Variants in EYS observed in about 807,000 individuals in gnomAD.
EYS encodes the protein EGF-like photoreceptor maintenance factor, also known as protein eyes shut homolog.
Under a neutral mutation model 282.1 loss-of-function variants are expected in EYS, and 250 were observed. The ratio of observed to expected loss-of-function variants is 0.89; its 90% CI spans 0.80 to 0.98. The LOEUF (loss-of-function observed/expected upper bound fraction) is 0.98, where lower values mean the gene tolerates loss of function less well. Ranked by LOEUF, EYS falls within the 50% of genes least tolerant of loss-of-function variation. The pLI is 0.00. For missense variants in EYS, 4,016 were observed against 3,709.0 expected, an observed-to-expected ratio of 1.08 and a Z score of -2.15; for synonymous variants, 1,355 against 1,282.9, an observed-to-expected ratio of 1.06 and a Z score of -1.20.
chr6:65,233,912 C>T (rs1766854239), intron 12 of EYS, among the ~76,000 whole-genome samples: 2 of 152,088 alleles, frequency 1.3e-5, no homozygotes, highest in Admixed American at 1.3e-4. Flanking sequence ...CAGATTGCTC[C>T]TGAGTGAGGG....
intron 35 of EYS, among the ~76,000 whole-genome samples, chr6:63,920,978 C>T (rs914834255): frequency 6.6e-6 from 1 of 151,926 alleles, no homozygotes; most frequent in South Asian, 2.1e-4. Context: ...CTGCAAGTTC[C>T]GCCTCCCGGG....
chr6:65,395,516 TATC>T (rs1370145075), intron 7 of EYS, among the ~76,000 whole-genome samples: 3 of 152,220 alleles, frequency 2.0e-5, no homozygotes, highest in African/African-American at 7.2e-5. Context: ...CTTGCACAGT[TATC>T]ATTTGTATAT....
chr6:64,958,643 G>A (rs1439894602), intron 14 of EYS, among the ~76,000 whole-genome samples: 1 of 146,746 alleles, frequency 6.8e-6, no homozygotes, highest in Non-Finnish European at 1.5e-5. Flanking sequence ...GCTGAGGCAG[G>A]AGGATGGTGT....
At chr6:64,693,934 T>A (rs1449488844) in intron 22 of EYS, among the ~76,000 whole-genome samples, 1 of 152,120 alleles carries the variant, frequency 6.6e-6, no homozygotes, top group Non-Finnish European at 1.5e-5. Flanking sequence ...AGTGATGAAA[T>A]GATTAAAAGG....
intron 30 of EYS, among the ~76,000 whole-genome samples, chr6:64,231,498 T>C (rs1422303557): frequency 2.0e-5 from 3 of 152,126 alleles, no homozygotes; most frequent in African/African-American, 7.2e-5. Flanking sequence ...CCAAATAAGA[T>C]TGCTATTCCT....
chr6:65,291,611 C>T (rs1452397323), intron 12 of EYS, among the ~76,000 whole-genome samples: 3 of 151,472 alleles, frequency 2.0e-5, no homozygotes, highest in Non-Finnish European at 3.0e-5. Flanking sequence ...CTTTCCATGA[C>T]ATGAATGGGT....
chr6:63,875,537 G>A (rs868757655), intron 35 of EYS, among the ~76,000 whole-genome samples: 6 of 152,234 alleles, frequency 3.9e-5, no homozygotes, highest in African/African-American at 9.6e-5. Flanking sequence ...AGTAATTTCC[G>A]AAGGAATGGT....
At chr6:65,162,911 T>TTGTGTGTGTGTGTGTGTGTGTGTGTG (rs3036015) in intron 12 of EYS, among the ~76,000 whole-genome samples, 2 of 147,288 alleles carry the variant, frequency 1.4e-5, no homozygotes, top group Non-Finnish European at 3.0e-5. Flanking sequence ...CCTGTTCTGT[T>TTGTGTGTGTGTGTGTGTGTGTGTGTG]TGTGTGTGTG....
chr6:65,227,980 T>C (rs141654534), intron 12 of EYS, among the ~76,000 whole-genome samples: 1 of 152,136 alleles, frequency 6.6e-6, no homozygotes, highest in African/African-American at 2.4e-5. Flanking sequence ...TAAAAAGTTC[T>C]AGTAAGGAAT....
intron 13 of EYS, among the ~76,000 whole-genome samples, chr6:65,033,633 A>T (rs1177319611): frequency 6.6e-6 from 1 of 152,168 alleles, no homozygotes; most frequent in Non-Finnish European, 1.5e-5. Flanking sequence ...CACAGAATAC[A>T]AGAGTGAAGA....
At chr6:64,671,157 G>T (rs1005840181) in intron 22 of EYS, among the ~76,000 whole-genome samples, 5 of 152,154 alleles carry the variant, frequency 3.3e-5, no homozygotes, top group Admixed American at 3.3e-4. Context: ...GGTTAAGGAA[G>T]ATAAAGCGTC....
chr6:63,726,964 T>G (rs1187487863), intron 41 of EYS, among the ~76,000 whole-genome samples: 2 of 152,310 alleles, frequency 1.3e-5, no homozygotes, highest in Middle Eastern at 3.4e-3. Flanking sequence ...TGCTCTAGAT[T>G]GCATTATATA....
At chr6:64,524,665 C>A (rs58687495) in intron 26 of EYS, among the ~76,000 whole-genome samples, 45,716 of 151,476 alleles carry the variant, frequency 0.3, 6,936 homozygotes, top group East Asian at 0.46. Context: ...GGTAAGGGGT[C>A]TAGTTTCAAT....
intron 2 of EYS, among the ~76,000 whole-genome samples, chr6:65,608,535 TA>T (rs1267748068): frequency 2.0e-5 from 3 of 152,020 alleles, no homozygotes; most frequent in Non-Finnish European, 4.4e-5. Context: ...CTACATTTAC[TA>T]AAAATATATT....
intron 26 of EYS, among the ~76,000 whole-genome samples, chr6:64,461,734 G>A (rs1239281597): frequency 1.3e-5 from 2 of 152,076 alleles, no homozygotes; most frequent in Non-Finnish European, 2.9e-5. Context: ...GACCTAGTTT[G>A]AATGTGGACT....
intron 26 of EYS, among the ~76,000 whole-genome samples, chr6:64,477,190 A>T (rs546395595): frequency 6.6e-6 from 1 of 152,116 alleles, no homozygotes; most frequent in African/African-American, 2.4e-5. Context: ...TGATTCTTCA[A>T]TGAAAAATAA....
At chr6:63,915,729 T>A (rs139684293) in intron 35 of EYS, among the ~76,000 whole-genome samples, 3 of 152,298 alleles carry the variant, frequency 2.0e-5, no homozygotes, top group African/African-American at 7.2e-5. Context: ...ATTCCAGTAC[T>A]CATGGATGAC....
intron 36 of EYS, among the ~76,000 whole-genome samples, chr6:63,842,302 C>T (rs538861451): frequency 6.6e-5 from 10 of 152,292 alleles, no homozygotes; most frequent in African/African-American, 2.4e-4. Flanking sequence ...GATTGGCATC[C>T]TAACTGGTGT....
intron 12 of EYS, among the ~76,000 whole-genome samples, chr6:65,135,063 T>A (rs1455015356): frequency 3.3e-5 from 5 of 152,084 alleles, no homozygotes; most frequent in African/African-American, 1.2e-4. Context: ...AGAGGTTGAA[T>A]GGTGAGTGAT....
Sources: allele counts gnomAD v4.1 joint callset (sites outside exome capture counted in the v4.1 genomes callset), GRCh38; gene constraint gnomAD v4.1.1; transcripts MANE v1.5; gene names NCBI Gene and HGNC (gene_info 2026-07-23, HGNC 2026-07-21).